THADA: variants seen among roughly 807,000 people sequenced by gnomAD.
THADA encodes tRNA (32-2'-O)-methyltransferase regulator THADA.
In THADA, 213 loss-of-function variants were observed where a neutral mutation model predicts 219.8. The observed-to-expected ratio is 0.97, with a 90% CI of 0.87 to 1.09. The LOEUF is 1.09. Among genes scored for constraint, THADA ranks in the 50% least tolerant of loss-of-function variants. The pLI, the probability that THADA is intolerant of heterozygous loss-of-function variation, is 0.00. For synonymous variants in THADA, 1,018 were observed against 828.9 expected, an observed-to-expected ratio of 1.23 and a Z score of -3.92; for missense variants, 2,956 against 2,311.3, an observed-to-expected ratio of 1.28 and a Z score of -5.72.
In THADA at chr2:43,360,025, G is replaced by A. The variant is rs1382958446; in HGVS notation, c.4228-15788C>T. The stretch of plus-strand genomic sequence containing the variant: ...CCTAAAAGGTACCTTCTAACATGGT[G>A]TGCTGGGCAAATTAATCAAAGTGCA... On this transcript the variant is annotated intron_variant, in intron 29 of 37. Transcript: ENST00000405975. 2.6e-5 allele frequency among the ~76,000 whole-genome samples: 4 copies of A among 151,954 alleles called. No individual in the cohort carries two copies. The South Asian group carries it at 8.3e-4, about 32-fold the overall frequency.
At chr2:43,277,662 A>G (rs1444148921) in intron 36 of THADA, among the ~76,000 whole-genome samples, 3 of 152,356 alleles carry the variant, frequency 2.0e-5, no homozygotes, top group Non-Finnish European at 4.4e-5. Context: ...GAAAACTGAG[A>G]AGTAACTTTA....
intron 15 of THADA, chr2:43,562,990 CTA>C (rs1309746951): frequency 2.0e-5 from 3 of 152,102 alleles, no homozygotes; most frequent in African/African-American, 7.2e-5. Context: ...CAAACTTTGT[CTA>C]TTTGTTAATC....
chr2:43,288,742 G>A (rs776295972), intron 34 of THADA, among the ~76,000 whole-genome samples: 12 of 152,116 alleles, frequency 7.9e-5, no homozygotes, highest in Non-Finnish European at 1.3e-4. Context: ...ATTGGACATC[G>A]GTGATCAACT....
intron 13 of THADA, among the ~76,000 whole-genome samples, chr2:43,571,134 T>C (rs1699246458): frequency 6.6e-6 from 1 of 152,124 alleles, no homozygotes; most frequent in Admixed American, 6.5e-5. Context: ...TGTGCCCCTG[T>C]CATCCCAGCT....
rs765254477 is a variant in THADA, at chr2:43,231,228, C to T, written c.5582G>A (p.Arg1861His). 16 of 1,613,636 alleles carry T rather than the reference C, an allele frequency of 9.9e-6. No individual in the cohort carries two copies. The Admixed American group carries it at 1.0e-4, about 10-fold the overall frequency. The change falls in exon 38 of 38, where the codon CGT (arginine) becomes CAT (histidine). Residue 1861 changes from arginine to histidine, a missense_variant. Physicochemically the swap from Arg to His is conservative, Grantham distance 29. Transcript: ENST00000405975. Reference sequence around the variant, plus strand: ...ACAGAGCATCTCAGGGCTTGGGGGACGCCAGCCGGACTTTGAGAGGAGACA... The same window carrying T: ...ACAGAGCATCTCAGGGCTTGGGGGATGCCAGCCGGACTTTGAGAGGAGACA... Reference protein sequence around the residue: ...LFCLLSKSGWRPPSPEMLCHL... With the variant: ...LFCLLSKSGWHPPSPEMLCHL...
chr2:43,471,961 C>G (rs1445535517), intron 26 of THADA, among the ~76,000 whole-genome samples: 1 of 152,106 alleles, frequency 6.6e-6, no homozygotes, highest in East Asian at 1.9e-4. Flanking sequence ...CAAACCCACT[C>G]AAGACTAAGA....
chr2:43,589,323 C>T (rs1701311954), intron 4 of THADA, among the ~76,000 whole-genome samples: 1 of 152,128 alleles, frequency 6.6e-6, no homozygotes, highest in African/African-American at 2.4e-5. Context: ...TATGCTATAA[C>T]AGGGATGAAC....
At chr2:43,588,245 C>G (rs1382894592) in intron 4 of THADA, among the ~76,000 whole-genome samples, 2 of 151,314 alleles carry the variant, frequency 1.3e-5, no homozygotes, top group Non-Finnish European at 2.9e-5. Context: ...GAATCCCTAC[C>G]TCACACTACA....
intron 29 of THADA, among the ~76,000 whole-genome samples, chr2:43,349,777 A>C (rs560772710): frequency 5.9e-4 from 90 of 152,334 alleles, no homozygotes; most frequent in Non-Finnish European, 8.5e-4. Flanking sequence ...TCAAATTCTG[A>C]AGATTAAAAA....
intron 26 of THADA, among the ~76,000 whole-genome samples, chr2:43,439,264 T>C (rs1398413070): frequency 1.3e-5 from 2 of 150,976 alleles, no homozygotes; most frequent in African/African-American, 4.9e-5. Flanking sequence ...AGAGAGATCT[T>C]GAGAGAGACG....
chr2:43,530,562 A>G (rs1204165708), intron 21 of THADA, among the ~76,000 whole-genome samples: 1 of 152,238 alleles, frequency 6.6e-6, no homozygotes, highest in Non-Finnish European at 1.5e-5. Flanking sequence ...GACAGAAAAT[A>G]AAAACAGAAA....
At chr2:43,493,575 G>T (rs925755158) in intron 25 of THADA, among the ~76,000 whole-genome samples, 2 of 152,130 alleles carry the variant, frequency 1.3e-5, no homozygotes, top group African/African-American at 4.8e-5. Context: ...GCTCCACTGG[G>T]AAAGCCGAGA....
rs1266350176 is a variant in THADA at position 43,417,083 on chromosome 2, A to G, written c.4058+11017T>C. ...TTGAGACGGAGTGGCTGTTTTCTTT[A>G]TAAGAGAGTAAAAAGAGAAACAATC... On this transcript the variant is annotated intron_variant, in intron 28 of 37. Transcript: ENST00000405975. 1.9e-4 allele frequency among the ~76,000 whole-genome samples: 7 copies of G among 37,568 alleles called. No homozygotes were observed. The East Asian group carries it at 3.6e-3, about 19-fold the overall frequency. The allele number at this position is 37,568 out of a possible 152,430, so 24.6% of individuals were successfully genotyped here.
intron 26 of THADA, among the ~76,000 whole-genome samples, chr2:43,445,634 C>T (rs140011980): frequency 6.6e-6 from 1 of 152,334 alleles, no homozygotes; most frequent in Non-Finnish European, 1.5e-5. Context: ...TGTTTCCCTG[C>T]CGATCCTCTG....
rs950452917 is a variant in THADA, at chr2:43,458,933, T to C, written c.3836+26301A>G. Among the ~76,000 whole-genome samples the C allele has an allele frequency of 7.2e-5, 11 of 152,324 alleles. No individual in the cohort carries two copies. In the East Asian group the frequency reaches 2.1e-3, roughly 29 times the overall value. Reference sequence around the variant, plus strand: ...TTAAAGGGTTGATAACTGTATTATGTTGATCTTCAAAATAAAAAAAAAATT... The same window carrying C: ...TTAAAGGGTTGATAACTGTATTATGCTGATCTTCAAAATAAAAAAAAAATT... On this transcript the variant is annotated intron_variant, in intron 26 of 37. Coordinates refer to ENST00000405975, the MANE Select transcript of THADA (RefSeq NM_022065.5).
chr2:43,334,385 T>A (rs1040139660), intron 30 of THADA, among the ~76,000 whole-genome samples: 1 of 151,986 alleles, frequency 6.6e-6, no homozygotes, highest in African/African-American at 2.4e-5. Flanking sequence ...TAACTTGGGG[T>A]AGCAAGTCAT....
chr2:43,405,351 G>A (rs1675407507), intron 28 of THADA, among the ~76,000 whole-genome samples: 1 of 152,226 alleles, frequency 6.6e-6, no homozygotes, highest in African/African-American at 2.4e-5. Context: ...TTTGTATCCA[G>A]TGAGTTGGAA....
chr2:43,528,431 T>A (rs924517365), intron 21 of THADA, among the ~76,000 whole-genome samples: 1 of 152,038 alleles, frequency 6.6e-6, no homozygotes, highest in Non-Finnish European at 1.5e-5. Context: ...TGCCCAGCCA[T>A]TTTAAGTATT....
chr2:43,294,083 G>A (rs532649567), intron 31 of THADA, among the ~76,000 whole-genome samples: 1 of 152,264 alleles, frequency 6.6e-6, no homozygotes, highest in African/African-American at 2.4e-5. Flanking sequence ...CAGTACTTAA[G>A]CCAAGATGTG....
Sources: allele counts gnomAD v4.1 joint callset (sites outside exome capture counted in the v4.1 genomes callset), GRCh38; gene constraint gnomAD v4.1.1; transcripts MANE v1.5; gene names NCBI Gene and HGNC (gene_info 2026-07-23, HGNC 2026-07-21).